KMT5B: variants seen among roughly 807,000 people sequenced by gnomAD.
KMT5B encodes the protein histone-lysine N-methyltransferase KMT5B.
KMT5B carries 10 observed loss-of-function variants against 83.2 expected under a neutral mutation model. The observed-to-expected ratio is 0.12, with a 90% CI of 0.07 to 0.20. The LOEUF is 0.20. KMT5B is among the 10% of genes least tolerant of loss of function. KMT5B has a pLI of 1.00. For synonymous variants in KMT5B, 349 were observed against 388.8 expected (o/e 0.90, Z 1.20); for missense variants, 753 against 1,067.2 (o/e 0.71, Z 4.10).
intron 2 of KMT5B, among the ~76,000 whole-genome samples, chr11:68,187,137 C>G (rs1857513942): frequency 1.3e-5 from 2 of 152,062 alleles, no homozygotes; most frequent in Non-Finnish European, 2.9e-5. Context: ...GCTGGGACCA[C>G]AGGCATGCAT....
intron 9 of KMT5B, among the ~76,000 whole-genome samples, chr11:68,169,832 G>A (rs555832196): frequency 1.3e-5 from 2 of 151,714 alleles, no homozygotes; most frequent in South Asian, 4.1e-4. Flanking sequence ...GTATTCTCTG[G>A]ACTGGTCCAA....
intron 3 of KMT5B, 110 bp downstream of exon 3, chr11:68,185,671 A>G (rs1196328407): frequency 7.7e-5 from 88 of 1,135,544 alleles, no homozygotes; most frequent in Non-Finnish European, 1.0e-4. Context: ...CACTGCAAAG[A>G]ACTTTCCTTT....
intron 2 of KMT5B, among the ~76,000 whole-genome samples, chr11:68,186,234 T>C (rs748749993): frequency 1.3e-5 from 2 of 152,138 alleles, no homozygotes; most frequent in Non-Finnish European, 2.9e-5. Flanking sequence ...CAAGGAACAC[T>C]GAGAAACGGG....
intron 1 of KMT5B, 125 bp from the exon 2 acceptor site, chr11:68,190,277 G>A: frequency 1.8e-6 from 1 of 555,532 alleles, no homozygotes; most frequent in Admixed American, 3.4e-5. Context: ...GTATAATGAT[G>A]TTTTGGTCAA....
intron 1 of KMT5B, among the ~76,000 whole-genome samples, chr11:68,212,068 C>G (rs1381869606): frequency 6.6e-6 from 1 of 151,822 alleles, no homozygotes; most frequent in East Asian, 1.9e-4. Flanking sequence ...GTTTCCTCCT[C>G]TTTTGAAAAT....
intron 1 of KMT5B, among the ~76,000 whole-genome samples, chr11:68,198,223 A>C (rs935818136): frequency 2.0e-5 from 3 of 152,146 alleles, no homozygotes; most frequent in Non-Finnish European, 4.4e-5. Context: ...ATCCCTGCTA[A>C]AAATACAAAA....
chr11:68,163,560 A>T (rs1855041153), intron 10 of KMT5B, among the ~76,000 whole-genome samples: 1 of 152,192 alleles, frequency 6.6e-6, no homozygotes, highest in Admixed American at 6.5e-5. Flanking sequence ...TGTGACCGAC[A>T]CCAAAGCCTT....
chr11:68,179,470 C>A (rs1242113446), intron 4 of KMT5B: 1 of 1,304,068 alleles, frequency 7.7e-7, no homozygotes, highest in Non-Finnish European at 1.0e-6. Flanking sequence ...TCCCACACAC[C>A]TGTTCCCCAC....
chr11:68,207,805 AAC>A (rs1316549083), intron 1 of KMT5B, among the ~76,000 whole-genome samples: 21 of 149,312 alleles, frequency 1.4e-4, no homozygotes, highest in African/African-American at 5.3e-4. Context: ...AAAAAAAAAA[AAC>A]AAACCAAAAA....
intron 1 of KMT5B, among the ~76,000 whole-genome samples, chr11:68,209,611 A>G (rs1463251046): frequency 6.6e-6 from 1 of 152,214 alleles, no homozygotes; most frequent in African/African-American, 2.4e-5. Flanking sequence ...GGTTCCCCTA[A>G]CATGCAGGAC....
At chr11:68,209,762 T>TC (rs1860636539) in intron 1 of KMT5B, among the ~76,000 whole-genome samples, 3 of 152,184 alleles carry the variant, frequency 2.0e-5, no homozygotes, top group Non-Finnish European at 4.4e-5. Flanking sequence ...ACCTTCATCT[T>TC]TAAACTGCAG....
intron 1 of KMT5B, among the ~76,000 whole-genome samples, chr11:68,211,233 G>A (rs993078228): frequency 1.3e-5 from 2 of 152,152 alleles, no homozygotes; most frequent in Non-Finnish European, 2.9e-5. Flanking sequence ...CCCTGTCAGA[G>A]TCCGCTACCC....
In KMT5B at chr11:68,158,133, A is replaced by C; in HGVS notation, c.2213T>G (p.Met738Arg). 1 of 1,614,188 alleles carries C rather than the reference A, an allele frequency of 6.2e-7. No individual in the cohort carries two copies. Among genetic ancestry groups the C allele is most frequent in the South Asian group, 1.1e-5 (1 of 91,086 alleles). The change falls in exon 11 of 11, where the codon ATG becomes AGG. Residue 738 changes from methionine to arginine, a missense_variant. Met to Arg is a moderately conservative substitution (Grantham distance 91, BLOSUM62 -1). Transcript: ENST00000304363. The stretch of plus-strand genomic sequence containing the variant: ...CTTGATGCTTATTTTGGAAGAGTTC[A>C]TTCCATCATTCTCTTGGTCATTTGT... Reference protein sequence around the residue: ...SKTNDQENDGMNSSKISIKLS... With the variant: ...SKTNDQENDGRNSSKISIKLS...
chr11:68,207,895 A>G (rs1427425569), intron 1 of KMT5B, among the ~76,000 whole-genome samples: 5 of 149,478 alleles, frequency 3.3e-5, no homozygotes, highest in Admixed American at 6.6e-5. Context: ...GCTGGAGTGC[A>G]GTGGCACGAT....
intron 3 of KMT5B, among the ~76,000 whole-genome samples, chr11:68,183,951 C>T (rs1030305757): frequency 6.6e-6 from 1 of 152,118 alleles, no homozygotes; most frequent in African/African-American, 2.4e-5. Flanking sequence ...TGAGCCACTG[C>T]GCCCAGCCTG....
Position 68,158,285 on chromosome 11 carries a change from G to A in KMT5B, c.2061C>T (p.Asp687=). The A allele has an allele frequency of 1.9e-6, 3 of 1,614,126 alleles. No individual in the cohort carries two copies. The Admixed American group carries it at 5.0e-5, about 27-fold the overall frequency. ...VVTSDSFKTK[D]SFRTAKSKKK... ...TTTTACTTTTTGCAGTTCTAAAGCTGTCTTTTGTTTTGAAGCTATCTGATG... is the reference window on the plus strand; with the variant it reads ...TTTTACTTTTTGCAGTTCTAAAGCTATCTTTTGTTTTGAAGCTATCTGATG... Residue 687 remains aspartate (D), a synonymous_variant, in exon 11 of 11, where the codon GAC becomes GAT. Transcript: ENST00000304363.
At chr11:68,191,853 T>C (rs1243378668) in intron 1 of KMT5B, among the ~76,000 whole-genome samples, 1 of 152,246 alleles carries the variant, frequency 6.6e-6, no homozygotes, top group Non-Finnish European at 1.5e-5. Flanking sequence ...ACGCAATTAC[T>C]CACCACTCAC....
intron 10 of KMT5B, among the ~76,000 whole-genome samples, chr11:68,160,121 G>A (rs1380337043): frequency 6.6e-6 from 1 of 152,200 alleles, no homozygotes; most frequent in African/African-American, 2.4e-5. Flanking sequence ...AGGATATTTA[G>A]ATAATTCTTT....
intron 1 of KMT5B, among the ~76,000 whole-genome samples, chr11:68,211,208 T>C (rs959934870): frequency 1.3e-5 from 2 of 152,192 alleles, no homozygotes; most frequent in Admixed American, 6.5e-5. Flanking sequence ...GGACACTTCC[T>C]TCACACGCGT....
Sources: allele counts gnomAD v4.1 joint callset (sites outside exome capture counted in the v4.1 genomes callset), GRCh38; gene constraint gnomAD v4.1.1; transcripts MANE v1.5; gene names NCBI Gene and HGNC (gene_info 2026-07-23, HGNC 2026-07-21).